MMS19: variants seen among roughly 807,000 people sequenced by gnomAD.
MMS19 encodes the protein MMS19 nucleotide excision repair protein homolog.
A neutral mutation model predicts 129.8 loss-of-function variants in MMS19; 77 were observed. The ratio of observed to expected loss-of-function variants is 0.59; its 90% confidence interval spans 0.49 to 0.72. The LOEUF (loss-of-function observed/expected upper bound fraction) is 0.72, where lower values mean the gene tolerates loss of function less well. MMS19 is among the 30% of genes least tolerant of loss of function. The probability of loss-of-function intolerance (pLI) is 0.00; values close to 1 mark genes in which losing one functional copy is unlikely to be tolerated. For synonymous variants in MMS19, 491 were observed against 502.8 expected (o/e 0.98, Z 0.31); for missense variants, 1,168 against 1,266.3 (o/e 0.92, Z 1.18).
At chr10:97,484,468 TA>T (rs542189044) in intron 1 of MMS19, among the ~76,000 whole-genome samples, 331 of 152,254 alleles carry the variant, frequency 2.2e-3, no homozygotes, top group Middle Eastern at 0.02. Context: ...TTATGAAATT[TA>T]AAACCTTCAT....
Position 97,469,660 on chromosome 10 carries a change from A to G in MMS19, c.910T>C (p.Ser304Pro). 6.2e-7 allele frequency: 1 copy of G among 1,613,860 alleles called. No homozygotes were observed. The highest frequency in any genetic ancestry group is 8.5e-7 in the Non-Finnish European group (1 of 1,179,766). The change falls in exon 11 of 31, where the codon TCT (serine) becomes CCT (proline). Residue 304 changes from serine (S) to proline (P), a missense_variant. Transcript: ENST00000438925. ...LKDFLPSLWA[S>P]IRREVFQTAS... ...GTGACACTCACCTCTCTGCGGATAG[A>G]AGCCCAAAGGCTGGGGAGGAAGTCC...
At chr10:97,470,041 G>T in intron 10 of MMS19, 88 bp downstream of exon 10, 1 of 961,758 alleles carries the variant, frequency 1.0e-6, no homozygotes, top group Non-Finnish European at 1.6e-6. Flanking sequence ...CCCATGAACT[G>T]TTCCTTGGCT....
chr10:97,492,753 G>A (rs11189236), intron 1 of MMS19, among the ~76,000 whole-genome samples: 4,334 of 150,824 alleles, frequency 0.029, 86 homozygotes, highest in Non-Finnish European at 0.046. Context: ...TAGCTGTTTC[G>A]GAGGCTGAGG....
intron 8 of MMS19, 108 bp downstream of exon 8, chr10:97,476,575 G>A (rs781502650): frequency 1.8e-5 from 15 of 855,928 alleles, no homozygotes; most frequent in Non-Finnish European, 2.9e-5. Flanking sequence ...AAATAATGAG[G>A]GCGGGGATGT....
chr10:97,465,753 A>C (rs1216517507), intron 18 of MMS19, 52 bp downstream of exon 18: 1 of 1,553,078 alleles, frequency 6.4e-7, no homozygotes, highest in Non-Finnish European at 8.7e-7. Context: ...TGCCTTAGAG[A>C]CTACAGCTCC....
chr10:97,465,895 G>C lies in MMS19; in HGVS notation c.1666C>G (p.Leu556Val). ...GTTGATACAGCTGACAAGGCTTGCA[G>C]ACAGCACAGATGCCGGGAGCATTGG... is the stretch of plus-strand genomic sequence containing the variant. The part of the protein sequence containing the change: ...PTQCSRHLCC[L>V]QALSAVSTHP... The change falls in exon 18 of 31, where the codon CTG becomes GTG. Residue 556 changes from leucine to valine, a missense_variant. Around this residue, in one of 3 missense-constraint regions of MMS19, gnomAD observed 831 missense variants for 910.8 expected, o/e 0.91. Transcript: ENST00000438925. The C allele has an allele frequency of 6.2e-7, 1 of 1,614,010 alleles. No individual in the cohort carries two copies. The highest frequency in any genetic ancestry group is 1.1e-5 in the South Asian group (1 of 91,090).
chr10:97,471,433 T>G (rs2034667719), intron 8 of MMS19, among the ~76,000 whole-genome samples: 1 of 152,190 alleles, frequency 6.6e-6, no homozygotes, highest in South Asian at 2.1e-4. Flanking sequence ...GACGACAGAC[T>G]GAAAACATAT....
At chr10:97,498,141 G>A (rs534407399) in intron 1 of MMS19, 132 bp downstream of exon 1, 14 of 781,250 alleles carry the variant, frequency 1.8e-5, no homozygotes, top group Non-Finnish European at 2.4e-5. Flanking sequence ...GAACCTCGCG[G>A]TGCTCACTAA....
chr10:97,489,327 TAATAAC>T (rs1043488198), intron 1 of MMS19, among the ~76,000 whole-genome samples: 6 of 152,226 alleles, frequency 3.9e-5, no homozygotes, highest in Non-Finnish European at 5.9e-5. Context: ...TAAAAGGAAC[TAATAAC>T]ATTTGTTGCC....
intron 5 of MMS19, 77 bp downstream of exon 5, chr10:97,477,778 T>C (rs1345490581): frequency 9.8e-7 from 1 of 1,016,218 alleles, no homozygotes; most frequent in Admixed American, 3.0e-5. Flanking sequence ...TAGAAGGCAA[T>C]AATTTTTGCT....
chr10:97,473,253 C>A (rs960039200), intron 8 of MMS19, among the ~76,000 whole-genome samples: 4 of 152,120 alleles, frequency 2.6e-5, no homozygotes, highest in Middle Eastern at 3.4e-3. Flanking sequence ...TCAGGCTAGT[C>A]TCGAACTCCT....
chr10:97,461,316 G>A (rs758682312), intron 23 of MMS19, 180 bp downstream of exon 23: 67 of 703,516 alleles, frequency 9.5e-5, no homozygotes, highest in Non-Finnish European at 1.4e-4. Flanking sequence ...GTACTATAAA[G>A]CTCTGCCCAA....
chr10:97,498,636 C>A (rs767304553), upstream of MMS19: 5 of 502,080 alleles, frequency 1.0e-5, no homozygotes, highest in Non-Finnish European at 1.8e-5. Flanking sequence ...CAGCCCGGCT[C>A]CCCGGGAGAC....
Position 97,477,856 on chromosome 10 carries a change from T to C in MMS19, c.422A>G (p.Gln141Arg). 6.2e-7 allele frequency: 1 copy of C among 1,603,318 alleles called. No individual in the cohort carries two copies. The highest frequency in any genetic ancestry group is 8.5e-7 in the Non-Finnish European group (1 of 1,175,196). The change falls in exon 5 of 31, where the codon CAG becomes CGG. Residue 141 changes from glutamine (Q) to arginine (R), a missense_variant and splice_region_variant. Transcript: ENST00000438925. ...ACCAACATGACTGTTATCCCTCACC[T>C]GTACATGCACTTCCTGGAAGATGGC... ...LKAIFQEVHV[Q>R]SLPQVDRHTV...
intron 16 of MMS19, 52 bp downstream of exon 16, chr10:97,466,452 C>T: frequency 7.1e-7 from 1 of 1,401,370 alleles, no homozygotes; most frequent in Admixed American, 1.7e-5. Flanking sequence ...CTTTTGCTGC[C>T]AATACAGAGG....
chr10:97,459,316 C>G (rs1255869323), intron 28 of MMS19, 34 bp from the exon 29 acceptor site: 3 of 1,612,250 alleles, frequency 1.9e-6, no homozygotes, highest in South Asian at 2.2e-5. Flanking sequence ...GAGAGCATGC[C>G]CAGGGAGAGA....
chr10:97,473,440 A>G (rs1449500702), intron 8 of MMS19, among the ~76,000 whole-genome samples: 1 of 152,018 alleles, frequency 6.6e-6, no homozygotes, highest in African/African-American at 2.4e-5. Context: ...TTCTTCATAC[A>G]TTCTCTCAGG....
Position 97,478,368 on chromosome 10 carries a change from T to A in MMS19, c.284A>T (p.Tyr95Phe). 6.2e-7 allele frequency: 1 copy of A among 1,605,632 alleles called. No individual in the cohort carries two copies. The highest frequency in any genetic ancestry group is 1.7e-5 in the Admixed American group (1 of 58,868). The change falls in exon 4 of 31, where the codon TAT (tyrosine) becomes TTT (phenylalanine). Residue 95 changes from tyrosine to phenylalanine, a missense_variant. Transcript: ENST00000438925. ...ATGATGGTCCTTCAGCCGGTTCTCA[T>A]AGAACAGTATCAGGTGTACCACTGC... ...EKEVVHLILF[Y>F]ENRLKDHHLV...
At chr10:97,488,662 G>A (rs2038336986) in intron 1 of MMS19, among the ~76,000 whole-genome samples, 1 of 152,284 alleles carries the variant, frequency 6.6e-6, no homozygotes, top group Middle Eastern at 3.4e-3. Context: ...GTATTGTTTA[G>A]TGAATAATGA....
Sources: allele counts gnomAD v4.1 joint callset (sites outside exome capture counted in the v4.1 genomes callset), GRCh38; gene constraint gnomAD v4.1.1; regional missense constraint gnomAD v4.1.1; transcripts MANE v1.5; gene names NCBI Gene and HGNC (gene_info 2026-07-23, HGNC 2026-07-21).